Variants in FAM81B observed in about 807,000 individuals in gnomAD.
FAM81B encodes protein FAM81B.
Under a neutral mutation model 58.7 loss-of-function variants are expected in FAM81B, and 60 were observed. The ratio of observed to expected loss-of-function variants is 1.02; its 90% CI spans 0.83 to 1.27. FAM81B has a LOEUF of 1.27. FAM81B is among the 50% of genes most tolerant of loss of function. The pLI, the probability that FAM81B is intolerant of heterozygous loss-of-function variation, is 0.00. For missense variants in FAM81B, 491 were observed against 522.0 expected, an observed-to-expected ratio of 0.94 and a Z score of 0.58; for synonymous variants, 189 against 179.6, an observed-to-expected ratio of 1.05 and a Z score of -0.42.
intron 4 of FAM81B, among the ~76,000 whole-genome samples, chr5:95,419,958 G>C (rs1302790469): frequency 6.6e-6 from 1 of 152,164 alleles, no homozygotes; most frequent in African/African-American, 2.4e-5. Flanking sequence ...GTTCTGTTTG[G>C]TCCATATATG....
At chr5:95,422,692 G>A (rs1762719119) in intron 5 of FAM81B, among the ~76,000 whole-genome samples, 1 of 152,098 alleles carries the variant, frequency 6.6e-6, no homozygotes, top group Non-Finnish European at 1.5e-5. Context: ...GTTCAATTTG[G>A]TGGTATGCTG....
intron 3 of FAM81B, among the ~76,000 whole-genome samples, chr5:95,401,024 A>C (rs757142766): frequency 6.6e-6 from 1 of 150,852 alleles, no homozygotes; most frequent in Non-Finnish European, 1.5e-5. Context: ...TTGCTACTGC[A>C]GTTTGCATAT....
chr5:95,414,405 A>G (rs116278217), intron 4 of FAM81B, among the ~76,000 whole-genome samples: 2,499 of 152,328 alleles, frequency 0.016, 71 homozygotes, highest in African/African-American at 0.058. Context: ...TATTCAAAAA[A>G]TATTTACTGT....
chr5:95,437,794 A>G (rs1745165604), intron 7 of FAM81B, among the ~76,000 whole-genome samples: 1 of 151,464 alleles, frequency 6.6e-6, no homozygotes, highest in Admixed American at 6.6e-5. Flanking sequence ...TTAAATGATC[A>G]TCATTTCCAG....
At chr5:95,416,327 GA>G (rs917472671) in intron 4 of FAM81B, among the ~76,000 whole-genome samples, 2 of 151,654 alleles carry the variant, frequency 1.3e-5, no homozygotes, top group Non-Finnish European at 2.9e-5. Flanking sequence ...TAAATGAAAT[GA>G]AAAAAAAATT....
chr5:95,436,868 G>C lies in FAM81B; in HGVS notation c.855G>C (p.Gln285His), dbSNP rs200859980. Residue 285 changes from glutamine (Q) to histidine (H), a missense_variant, in exon 7 of 10, where the codon CAG (glutamine) becomes CAC (histidine). Gln to His is a conservative substitution (Grantham distance 24, BLOSUM62 0). Coordinates refer to ENST00000283357, the MANE Select transcript of FAM81B (RefSeq NM_152548.3). ...SEQTSNLKMV[Q>H]GDYRHEMNLL... The stretch of plus-strand genomic sequence containing the variant: ...AAACCTCGAATTTAAAGATGGTCCA[G>C]GGGGATTATCGCCACGAAATGAACC... 3 of 1,612,630 alleles carry C rather than the reference G, an allele frequency of 1.9e-6. No individual in the cohort carries two copies. Among genetic ancestry groups the C allele is most frequent in the Non-Finnish European group, 2.5e-6 (3 of 1,178,978 alleles).
intron 7 of FAM81B, chr5:95,439,983 C>T (rs968169478): frequency 1.5e-5 from 5 of 344,482 alleles, no homozygotes; most frequent in Admixed American, 1.2e-4. Flanking sequence ...TGCACCACTG[C>T]ATGCCAGCCT....
chr5:95,427,371 C>T (rs993540308), intron 5 of FAM81B, among the ~76,000 whole-genome samples: 2 of 152,072 alleles, frequency 1.3e-5, no homozygotes, highest in Admixed American at 6.5e-5. Flanking sequence ...GAATTTTGTG[C>T]GTACCATCCT....
At chr5:95,428,471 C>A in intron 5 of FAM81B, 132 bp from the exon 6 acceptor site, 1 of 1,121,728 alleles carries the variant, frequency 8.9e-7, no homozygotes, top group African/African-American at 1.6e-5. Context: ...CCTGAATACA[C>A]TCCTATATCT....
chr5:95,420,444 T>TGGCCAGTGAATTCGC (rs1235648383), intron 5 of FAM81B, 42 bp downstream of exon 5: 1 of 1,608,362 alleles, frequency 6.2e-7, no homozygotes, highest in Admixed American at 1.7e-5. Flanking sequence ...AGTGAATTCT[T>TGGCCAGTGAATTCGC]GGCCAGTGAA....
intron 7 of FAM81B, among the ~76,000 whole-genome samples, chr5:95,438,650 T>C (rs1745194916): frequency 6.6e-6 from 1 of 152,096 alleles, no homozygotes; most frequent in Non-Finnish European, 1.5e-5. Flanking sequence ...TCAGTAGTAT[T>C]ACAGTAGGTG....
chr5:95,440,416 T>C, intron 7 of FAM81B: 2 of 662,314 alleles, frequency 3.0e-6, no homozygotes, highest in South Asian at 1.4e-5. Context: ...TACCTGGTAA[T>C]GCCTAAGGCA....
intron 6 of FAM81B, among the ~76,000 whole-genome samples, chr5:95,434,126 T>C (rs1056787403): frequency 2.0e-5 from 3 of 152,220 alleles, no homozygotes; most frequent in African/African-American, 7.2e-5. Flanking sequence ...CATTATCTCA[T>C]GCTTTCTGTA....
chr5:95,396,422 G>C (rs1761968100), intron 3 of FAM81B, among the ~76,000 whole-genome samples: 1 of 152,064 alleles, frequency 6.6e-6, no homozygotes, highest in Non-Finnish European at 1.5e-5. Context: ...ACCTCCATAG[G>C]TTCCTGTAGA....
chr5:95,431,905 G>GT lies in FAM81B; in HGVS notation c.786+3179dup, dbSNP rs576992148. On this transcript the variant is annotated intron_variant, in intron 6 of 9. Transcript: ENST00000283357. ...GTAAATGGTAATAATTTTAGCTCAT[G>GT]TTTTTTCATTTTCATATGCAAAATT... Among the ~76,000 whole-genome samples the GT allele has an allele frequency of 1.3e-3, 196 of 151,980 alleles. 1 individual carries two copies. The highest frequency in any genetic ancestry group is 2.3e-3 in the Non-Finnish European group (153 of 67,824).
At chr5:95,426,758 CT>C (rs1409990077) in intron 5 of FAM81B, among the ~76,000 whole-genome samples, 8 of 152,238 alleles carry the variant, frequency 5.3e-5, no homozygotes, top group African/African-American at 1.7e-4. Flanking sequence ...CATTAAGAAG[CT>C]TGTCCCAGGC....
At chr5:95,414,991 C>A (rs1346504206) in intron 4 of FAM81B, among the ~76,000 whole-genome samples, 1 of 152,096 alleles carries the variant, frequency 6.6e-6, no homozygotes, top group Non-Finnish European at 1.5e-5. Flanking sequence ...ATATCCCATA[C>A]CAGACAACAG....
At chr5:95,433,583 T>A (rs1744992869) in intron 6 of FAM81B, among the ~76,000 whole-genome samples, 1 of 152,222 alleles carries the variant, frequency 6.6e-6, no homozygotes, top group Admixed American at 6.5e-5. Flanking sequence ...CATCTCATTG[T>A]AGGTAAAAAT....
intron 5 of FAM81B, among the ~76,000 whole-genome samples, chr5:95,427,209 C>T (rs1231798489): frequency 6.6e-6 from 1 of 152,096 alleles, no homozygotes; most frequent in African/African-American, 2.4e-5. Flanking sequence ...AGGGAGATGG[C>T]AGGAAGTGGT....
Sources: allele counts gnomAD v4.1 joint callset (sites outside exome capture counted in the v4.1 genomes callset), GRCh38; gene constraint gnomAD v4.1.1; transcripts MANE v1.5; gene names NCBI Gene and HGNC (gene_info 2026-07-23, HGNC 2026-07-21).